Variants in NBEA observed in about 807,000 individuals in gnomAD.
NBEA encodes the protein lysosomal-trafficking regulator 2.
A neutral mutation model predicts 343.4 loss-of-function variants in NBEA; 44 were observed. The ratio of observed to expected loss-of-function variants is 0.13; its 90% confidence interval spans 0.10 to 0.16. The LOEUF is 0.16. NBEA is among the 10% of genes least tolerant of loss of function. The pLI is 1.00. For synonymous variants in NBEA, 1,175 were observed against 1,238.7 expected (o/e 0.95, Z 1.08); for missense variants, 2,555 against 3,631.3 (o/e 0.70, Z 7.62).
chr13:35,632,890 G>A (rs532202914), intron 49 of NBEA, among the ~76,000 whole-genome samples: 34 of 151,520 alleles, frequency 2.2e-4, no homozygotes, highest in Non-Finnish European at 8.8e-5. Context: ...CACTGTGCAC[G>A]GCCCCCCTGT....
At chr13:35,647,444 C>T (rs76329169) in intron 51 of NBEA, among the ~76,000 whole-genome samples, 7,910 of 152,162 alleles carry the variant, frequency 0.052, 251 homozygotes, top group South Asian at 0.087. Flanking sequence ...TGTCATTTAA[C>T]GAATTTTTAT....
intron 41 of NBEA, among the ~76,000 whole-genome samples, chr13:35,488,262 C>T (rs917371401): frequency 4.0e-5 from 6 of 151,862 alleles, no homozygotes; most frequent in Admixed American, 3.9e-4. Context: ...TGTTTTTGCT[C>T]AGTTTAAGTG....
At chr13:35,306,892 C>T (rs2036926373) in intron 35 of NBEA, among the ~76,000 whole-genome samples, 1 of 152,020 alleles carries the variant, frequency 6.6e-6, no homozygotes, top group South Asian at 2.1e-4. Context: ...ATTTGATCCT[C>T]GTTTTGTTTA....
At chr13:35,193,586 G>T (rs2072362017) in intron 30 of NBEA, among the ~76,000 whole-genome samples, 1 of 151,748 alleles carries the variant, frequency 6.6e-6, no homozygotes, top group Non-Finnish European at 1.5e-5. Flanking sequence ...TCTCTGACAA[G>T]ATTTTATTAA....
At position 35,217,314 on chromosome 13, in the gene NBEA, C is replaced by T. The variant is rs188615045; in HGVS notation, c.5648+6135C>T. Among the ~76,000 whole-genome samples, 73 of 151,976 alleles carry T rather than the reference C, an allele frequency of 4.8e-4. 1 individual carries two copies. Among genetic ancestry groups the T allele is most frequent in the Admixed American group, 4.5e-3 (68 of 15,232 alleles). On this transcript the variant is annotated intron_variant, in intron 33 of 58. Transcript: ENST00000379939. ...TAGTTTGCAAATATTTTATCTTAGA[C>T]GTGCTCCCTGTTTCATCCTTTTAAT...
At chr13:35,373,905 T>C (rs1566043978) in intron 38 of NBEA, among the ~76,000 whole-genome samples, 1 of 152,084 alleles carries the variant, frequency 6.6e-6, no homozygotes, top group East Asian at 1.9e-4. Flanking sequence ...AAAACCCATG[T>C]ATAAGTGAAT....
chr13:35,440,634 T>C (rs1279323897), intron 39 of NBEA, among the ~76,000 whole-genome samples: 1 of 152,030 alleles, frequency 6.6e-6, no homozygotes, highest in African/African-American at 2.4e-5. Flanking sequence ...GAACACAGGA[T>C]AGTGTGGGGA....
intron 27 of NBEA, among the ~76,000 whole-genome samples, chr13:35,175,371 T>C (rs1192753552): frequency 6.6e-6 from 1 of 152,208 alleles, no homozygotes; most frequent in African/African-American, 2.4e-5. Flanking sequence ...TTCCCCTGTC[T>C]AGCAGTTTGA....
chr13:35,534,110 A>G (rs778116566), intron 41 of NBEA, among the ~76,000 whole-genome samples: 5 of 152,168 alleles, frequency 3.3e-5, no homozygotes, highest in African/African-American at 4.8e-5. Flanking sequence ...TAACAAACAG[A>G]GTGATTGCCG....
At chr13:35,358,185 C>A (rs971664430) in intron 38 of NBEA, among the ~76,000 whole-genome samples, 24 of 151,648 alleles carry the variant, frequency 1.6e-4, no homozygotes, top group Non-Finnish European at 3.2e-4. Flanking sequence ...CCACACCCAG[C>A]TAATTTTTTT....
chr13:35,391,212 T>C (rs1162642715), intron 38 of NBEA, among the ~76,000 whole-genome samples: 2 of 151,456 alleles, frequency 1.3e-5, no homozygotes, highest in Admixed American at 6.6e-5. Flanking sequence ...GAGGCAGAGG[T>C]TGCAGTGAGT....
chr13:35,478,416 C>G (rs1036694339), intron 41 of NBEA, among the ~76,000 whole-genome samples: 3 of 152,160 alleles, frequency 2.0e-5, no homozygotes, highest in South Asian at 4.1e-4. Flanking sequence ...CCCATCAGAG[C>G]CGGAGAACCT....
At chr13:35,267,063 A>T (rs953895932) in intron 34 of NBEA, among the ~76,000 whole-genome samples, 1 of 151,986 alleles carries the variant, frequency 6.6e-6, no homozygotes, top group Non-Finnish European at 1.5e-5. Flanking sequence ...GAAGTGGATC[A>T]CTATAAAGGT....
At chr13:35,172,240 G>C (rs1202315039) in intron 26 of NBEA, among the ~76,000 whole-genome samples, 1 of 151,522 alleles carries the variant, frequency 6.6e-6, no homozygotes, top group Non-Finnish European at 1.5e-5. Flanking sequence ...TTTAAGAATG[G>C]TGGGATGAAA....
intron 38 of NBEA, among the ~76,000 whole-genome samples, chr13:35,391,078 C>T (rs1566065491): frequency 6.6e-6 from 1 of 152,014 alleles, no homozygotes; most frequent in African/African-American, 2.4e-5. Context: ...AGTTCAAGAC[C>T]AGCCTGGCCA....
chr13:35,420,118 C>G (rs942989866), intron 38 of NBEA, among the ~76,000 whole-genome samples: 4 of 151,906 alleles, frequency 2.6e-5, no homozygotes, highest in African/African-American at 9.7e-5. Context: ...CTTATTTCCT[C>G]TCTTTTGCCT....
chr13:35,451,083 T>C (rs2046285829), intron 39 of NBEA, among the ~76,000 whole-genome samples: 4 of 152,196 alleles, frequency 2.6e-5, no homozygotes, highest in Admixed American at 2.0e-4. Flanking sequence ...TTTCAGTTTT[T>C]CTGCTTATTT....
At chr13:35,503,701 A>G (rs973409270) in intron 41 of NBEA, among the ~76,000 whole-genome samples, 1 of 152,056 alleles carries the variant, frequency 6.6e-6, no homozygotes, top group Admixed American at 6.6e-5. Context: ...ATTGCTTCCA[A>G]ATTTCCCTTC....
chr13:35,571,602 G>T (rs1014600584), intron 45 of NBEA, among the ~76,000 whole-genome samples: 9 of 152,104 alleles, frequency 5.9e-5, no homozygotes, highest in Non-Finnish European at 8.8e-5. Flanking sequence ...TTCAGTGAGT[G>T]GCAGTGACAA....
Sources: gnomAD v4.1 joint callset for allele counts (sites outside exome capture counted in the v4.1 genomes callset) on GRCh38, gnomAD v4.1.1 for gene constraint, MANE v1.5 for transcripts, NCBI Gene and HGNC (gene_info 2026-07-23, HGNC 2026-07-21) for gene names.